PCNT: variants seen among roughly 807,000 people sequenced by gnomAD.
The protein encoded by PCNT is pericentrin, also known as kendrin.
A neutral mutation model predicts 380.4 loss-of-function variants in PCNT; 319 were observed. That is an observed-to-expected ratio of 0.84 (90% CI 0.77 to 0.92). PCNT has a LOEUF of 0.92. Ranked by LOEUF, PCNT falls within the 40% of genes least tolerant of loss-of-function variation. The pLI is 0.00. For synonymous variants in PCNT, 1,845 were observed against 1,735.2 expected (o/e 1.06, Z -1.57); for missense variants, 4,400 against 4,255.3 (o/e 1.03, Z -0.95).
intron 46 of PCNT, among the ~76,000 whole-genome samples, chr21:46,445,047 C>T (rs182308609): frequency 1.6e-4 from 24 of 148,450 alleles, no homozygotes; most frequent in Middle Eastern, 3.5e-3. Context: ...ACTTAATCAC[C>T]GTCTGGACTT....
In PCNT at chr21:46,445,738, A is replaced by G. The variant is rs1300761211; in HGVS notation, c.*411A>G. The G allele has an allele frequency of 5.7e-6, 1 of 174,858 alleles. No individual in the cohort carries two copies. Among genetic ancestry groups the G allele is most frequent in the Non-Finnish European group, 1.2e-5 (1 of 81,358 alleles). 10.8% of individuals were successfully genotyped at this position (174,858 alleles called of 1,614,324 possible). On this transcript the variant is annotated 3_prime_UTR_variant, in exon 47 of 47. Coordinates refer to ENST00000359568, the MANE Select transcript of PCNT (RefSeq NM_006031.6). ...TAAAAACAAAACAACTCAAAAAGGAATAAAATTTAATCACTGTTTTGTTTG... is the reference window on the plus strand; with the variant it reads ...TAAAAACAAAACAACTCAAAAAGGAGTAAAATTTAATCACTGTTTTGTTTG...
intron 27 of PCNT, among the ~76,000 whole-genome samples, chr21:46,405,026 C>A (rs1460945703): frequency 6.6e-6 from 1 of 152,138 alleles, no homozygotes; most frequent in East Asian, 1.9e-4. Context: ...ATCGTTTGAG[C>A]CCAGGAATTC....
In PCNT at chr21:46,349,680, C is replaced by G. The variant is rs746653751; in HGVS notation, c.1208-4C>G. On this transcript the variant is annotated splice_polypyrimidine_tract_variant and splice_region_variant and intron_variant, in intron 7 of 46. Coordinates refer to ENST00000359568, the MANE Select transcript of PCNT (RefSeq NM_006031.6). ...AACCAAGTGCCATTGCTTTACCTTT[C>G]TAGGGGCCCTTAGGAACCTGGAGAG... 1.9e-6 allele frequency: 3 copies of G among 1,613,916 alleles called. No individual in the cohort carries two copies. The highest frequency in any genetic ancestry group is 3.3e-5 in the Admixed American group (2 of 60,014).
intron 19 of PCNT, 69 bp from the exon 20 acceptor site, chr21:46,390,599 TTC>T: frequency 6.5e-7 from 1 of 1,543,216 alleles, no homozygotes; most frequent in East Asian, 2.3e-5. Context: ...AGAAGTGGCG[TTC>T]TCTTGGTCTT....
intron 3 of PCNT, 46 bp downstream of exon 3, chr21:46,334,814 T>C (rs760276122): frequency 6.2e-7 from 1 of 1,614,016 alleles, no homozygotes; most frequent in South Asian, 1.1e-5. Context: ...GTCAAAAGAT[T>C]TCTTTATGTT....
intron 27 of PCNT, among the ~76,000 whole-genome samples, chr21:46,406,790 G>A (rs11909582): frequency 1.3e-5 from 2 of 152,200 alleles, no homozygotes; most frequent in East Asian, 1.9e-4. Context: ...GCTTTTTCTG[G>A]ATCTATTGAA....
At chr21:46,409,953 T>C (rs989979148) in intron 27 of PCNT, among the ~76,000 whole-genome samples, 1 of 152,220 alleles carries the variant, frequency 6.6e-6, no homozygotes, top group African/African-American at 2.4e-5. Flanking sequence ...GTATGCTGGC[T>C]CCAGTATTTT....
At chr21:46,324,400 G>T (rs1207882547) in intron 1 of PCNT, 118 bp downstream of exon 1, 4 of 906,204 alleles carry the variant, frequency 4.4e-6, no homozygotes, top group African/African-American at 3.3e-5. Flanking sequence ...CGCCGCGGAG[G>T]TCTCGCTTTT....
intron 29 of PCNT, among the ~76,000 whole-genome samples, chr21:46,413,491 C>T (rs1055311473): frequency 9.2e-5 from 14 of 152,228 alleles, no homozygotes; most frequent in African/African-American, 3.1e-4. Context: ...TCTCTGAATC[C>T]TTTCTGTTCT....
intron 41 of PCNT, among the ~76,000 whole-genome samples, chr21:46,439,277 C>G (rs1312126468): frequency 2.0e-5 from 3 of 152,126 alleles, no homozygotes; most frequent in African/African-American, 7.2e-5. Flanking sequence ...TGGCTCTCTC[C>G]CAGAAAGGTG....
chr21:46,416,498 ACCAGCGTACTTGGTGGCTCCCG>A lies in PCNT; in HGVS notation c.6584_6605del (p.Ser2195ThrfsTer43), dbSNP rs1451406807. On this transcript the variant is annotated frameshift_variant, in exon 30 of 47. Transcript: ENST00000359568. LOFTEE classifies it high-confidence loss of function. ...TCAGGACATGTCTCTTTCTTCACCG[ACCAGCGTACTTGGTGGCTCCCG>A]CCACCAGAGCCACACTGCAGAGGCT... is the stretch of plus-strand genomic sequence containing the variant. 3 of 1,613,948 alleles carry A rather than the reference ACCAGCGTACTTGGTGGCTCCCG, an allele frequency of 1.9e-6. No homozygotes were observed. The highest frequency in any genetic ancestry group is 2.5e-6 in the Non-Finnish European group (3 of 1,180,020).
rs184313007 is a variant in PCNT, at chr21:46,336,419, G to A, written c.639+1651G>A. Among the ~76,000 whole-genome samples, 4 of 152,242 alleles carry A rather than the reference G, an allele frequency of 2.6e-5. No individual in the cohort carries two copies. In the East Asian group the frequency reaches 7.7e-4, roughly 29 times the overall value. On this transcript the variant is annotated intron_variant, in intron 3 of 46. Coordinates refer to ENST00000359568, the MANE Select transcript of PCNT (RefSeq NM_006031.6). ...GGACCGGGTCTCATTCTGTCCCCTG[G>A]GCTGGAGTATGGTGGTGCCATCACA...
intron 15 of PCNT, among the ~76,000 whole-genome samples, chr21:46,377,682 T>C (rs2085372300): frequency 6.6e-6 from 1 of 151,786 alleles, no homozygotes; most frequent in Admixed American, 6.6e-5. Context: ...AATAAAAAAA[T>C]ACTAAAAATA....
Position 46,440,192 on chromosome 21 carries a change from G to C in PCNT, c.9383G>C (p.Ser3128Thr). The change falls in exon 42 of 47, where the codon AGC becomes ACC. Residue 3128 changes from serine to threonine, a missense_variant. Ser to Thr is a moderately conservative substitution (Grantham distance 58). Transcript: ENST00000359568. ...GCTGCCAGCGAGGAAGCACACACCAGCAATGTCAAGGTAGGAACGGTGCCA... is the reference window on the plus strand; with the variant it reads ...GCTGCCAGCGAGGAAGCACACACCACCAATGTCAAGGTAGGAACGGTGCCA... ...PPAASEEAHT[S>T]NVKMEKLYLH... is the part of the protein sequence containing the mutation. 6.2e-7 allele frequency: 1 copy of C among 1,614,104 alleles called. No homozygotes were observed. The highest frequency in any genetic ancestry group is 8.5e-7 in the Non-Finnish European group (1 of 1,180,032).
rs1031095599 is a variant in PCNT, at chr21:46,375,225, C to T, written c.3166-6469C>T. On this transcript the variant is annotated intron_variant, in intron 15 of 46. Transcript: ENST00000359568. ...GCTGAGTGCAGAAGTGAATCGCATGCGGCCGGTGTGGGATGCTCAAGGCGG... is the reference window on the plus strand; with the variant it reads ...GCTGAGTGCAGAAGTGAATCGCATGTGGCCGGTGTGGGATGCTCAAGGCGG... Among the ~76,000 whole-genome samples the T allele has an allele frequency of 7.9e-5, 12 of 152,168 alleles. No homozygotes were observed. In the South Asian group the frequency reaches 1.7e-3, roughly 21 times the overall value.
chr21:46,330,297 T>A (rs1273737441), intron 2 of PCNT, among the ~76,000 whole-genome samples: 6 of 151,954 alleles, frequency 3.9e-5, no homozygotes, highest in Admixed American at 3.3e-4. Context: ...TAAAAAAAAA[T>A]TTGTAGAGAC....
chr21:46,413,994 CT>C (rs5844268), intron 29 of PCNT, among the ~76,000 whole-genome samples: 74,127 of 138,756 alleles, frequency 0.53, 19,427 homozygotes, highest in Middle Eastern at 0.64. Context: ...TTTTTTCTCT[CT>C]TTTTTTTTTT....
At chr21:46,396,185 G>A (rs1839062499) in intron 21 of PCNT, among the ~76,000 whole-genome samples, 1 of 152,250 alleles carries the variant, frequency 6.6e-6, no homozygotes, top group Admixed American at 6.5e-5. Flanking sequence ...ACTTGGGCCG[G>A]GGCTTCGCCA....
At position 46,413,210 on chromosome 21, in the gene PCNT, G is replaced by A. The variant is rs113863982; in HGVS notation, c.6150+218G>A. Among the ~76,000 whole-genome samples, 775 of 117,098 alleles carry A rather than the reference G, an allele frequency of 6.6e-3. 37 individuals are homozygous for A. The highest frequency in any genetic ancestry group is 0.026 in the Middle Eastern group (6 of 228). The allele number at this position is 117,098 out of a possible 152,430, so 76.8% of individuals were successfully genotyped here. A position where few individuals can be genotyped will look rare whatever the true frequency, so the allele number is the denominator to read the frequency against. On this transcript the variant is annotated intron_variant, in intron 29 of 46. Transcript: ENST00000359568. ...GGGAAGGCACGAGGCCCACCCGGGA[G>A]AGGCTGGACACGCAGCAGCAAGGTG...
Sources: gnomAD v4.1 joint callset for allele counts (sites outside exome capture counted in the v4.1 genomes callset) on GRCh38, gnomAD v4.1.1 for gene constraint, MANE v1.5 for transcripts, NCBI Gene and HGNC (gene_info 2026-07-23, HGNC 2026-07-21) for gene names.